The following MITF variants were observed in gnomAD, a reference collection of about 807,000 sequenced individuals.
MITF encodes the protein melanocyte inducing transcription factor, also known as microphthalmia-associated transcription factor.
MITF carries 17 observed loss-of-function variants against 60.5 expected under a neutral mutation model. The ratio of observed to expected loss-of-function variants is 0.28; its 90% confidence interval spans 0.19 to 0.42. The LOEUF (loss-of-function observed/expected upper bound fraction) is 0.42. Ranked by LOEUF, MITF falls within the 10% of genes least tolerant of loss-of-function variation. MITF has a pLI of 1.00. For synonymous variants in MITF, 260 were observed against 248.5 expected (o/e 1.05, Z -0.43); for missense variants, 622 against 683.5 (o/e 0.91, Z 1.00).
At chr3:69,959,147 C>T in intron 8 of MITF, 126 bp from the exon 9 acceptor site, 1 of 1,130,500 alleles carries the variant, frequency 8.8e-7, no homozygotes, top group Non-Finnish European at 1.3e-6. Flanking sequence ...ACCACCTGTT[C>T]CCCCAAAACT....
intron 1 of MITF, among the ~76,000 whole-genome samples, chr3:69,845,615 A>G (rs541645306): frequency 1.3e-5 from 2 of 152,272 alleles, no homozygotes; most frequent in East Asian, 3.9e-4. Flanking sequence ...CTTGAGAAAT[A>G]TGAAGACACA....
chr3:69,880,940 A>T (rs940243273), intron 2 of MITF, among the ~76,000 whole-genome samples: 5 of 152,186 alleles, frequency 3.3e-5, no homozygotes, highest in African/African-American at 9.6e-5. Context: ...TTTTTATTAA[A>T]ATCAATATTC....
chr3:69,777,962 C>T lies in MITF; in HGVS notation c.104+38261C>T, dbSNP rs746503237. On this transcript the variant is annotated intron_variant, in intron 1 of 9. Transcript: ENST00000352241. ...TCGTGTTACTGAAAGATCACTCTGG[C>T]GGTGCCACAGAGAATGTATTGTAGG... Among the ~76,000 whole-genome samples the T allele has an allele frequency of 2.6e-5, 4 of 151,930 alleles. No individual in the cohort carries two copies. In the South Asian group the frequency reaches 8.3e-4, roughly 32 times the overall value.
intron 3 of MITF, 64 bp downstream of exon 3, chr3:69,938,113 T>C (rs2065886993): frequency 6.6e-7 from 1 of 1,511,894 alleles, no homozygotes; most frequent in Non-Finnish European, 9.2e-7. Context: ...TTGAATATGA[T>C]TCCCACACTT....
intron 2 of MITF, among the ~76,000 whole-genome samples, chr3:69,931,300 C>T (rs934788215): frequency 2.0e-5 from 3 of 152,012 alleles, no homozygotes; most frequent in Non-Finnish European, 2.9e-5. Context: ...CTCTTCTATT[C>T]GGCTGAGATA....
intron 1 of MITF, among the ~76,000 whole-genome samples, chr3:69,820,752 T>C (rs1157971979): frequency 6.6e-6 from 1 of 152,206 alleles, no homozygotes; most frequent in Non-Finnish European, 1.5e-5. Context: ...TTTGCTGCGA[T>C]GCTGGCCTGC....
At chr3:69,818,112 G>A (rs1239040529) in intron 1 of MITF, among the ~76,000 whole-genome samples, 4 of 152,122 alleles carry the variant, frequency 2.6e-5, no homozygotes, top group African/African-American at 9.7e-5. Flanking sequence ...ACTTTTTCCT[G>A]GGCCAGTCTA....
chr3:69,941,386 T>G, intron 5 of MITF, 55 bp downstream of exon 5: 1 of 1,134,884 alleles, frequency 8.8e-7, no homozygotes, highest in Non-Finnish European at 1.3e-6. Context: ...AGGGTTCTTT[T>G]CTTTTTTCTT....
intron 1 of MITF, among the ~76,000 whole-genome samples, chr3:69,826,006 A>G (rs13324851): frequency 0.5 from 76,321 of 152,092 alleles, 20,862 homozygotes; most frequent in Non-Finnish European, 0.63. Flanking sequence ...ATAGATCAGT[A>G]AATGTCTTGT....
chr3:69,846,429 C>T (rs1646870460), intron 1 of MITF, among the ~76,000 whole-genome samples: 1 of 152,178 alleles, frequency 6.6e-6, no homozygotes, highest in Non-Finnish European at 1.5e-5. Context: ...CTAGTTTCTA[C>T]CCAGTGCCAA....
At chr3:69,824,150 A>T (rs2063319744) in intron 1 of MITF, among the ~76,000 whole-genome samples, 1 of 152,214 alleles carries the variant, frequency 6.6e-6, no homozygotes, top group South Asian at 2.1e-4. Context: ...ATTTGGTGTG[A>T]ACTCAGAATA....
rs778447052 is a variant in MITF, at chr3:69,882,470, T to C, written c.354+3087T>C. On this transcript the variant is annotated intron_variant, in intron 2 of 9. Coordinates refer to ENST00000352241, the MANE Select transcript of MITF (RefSeq NM_001354604.2). ...ATTGGGTATTGTAATTTAAGGATGC[T>C]CTTTTACCATAAATTAACCAACACC... 1.1e-3 allele frequency among the ~76,000 whole-genome samples: 161 copies of C among 152,118 alleles called. 1 individual carries two copies. Among genetic ancestry groups the C allele is most frequent in the Non-Finnish European group, 2.8e-4 (19 of 67,998 alleles).
chr3:69,797,785 A>G (rs947154585), intron 1 of MITF, among the ~76,000 whole-genome samples: 1 of 152,162 alleles, frequency 6.6e-6, no homozygotes, highest in Non-Finnish European at 1.5e-5. Flanking sequence ...TCTATAACCA[A>G]GGTTATCTTT....
intron 1 of MITF, among the ~76,000 whole-genome samples, chr3:69,753,624 A>G (rs978277877): frequency 6.6e-6 from 1 of 152,218 alleles, no homozygotes. Context: ...GAACTGCCCA[A>G]GGCCTTGGGA....
intron 1 of MITF, among the ~76,000 whole-genome samples, chr3:69,802,200 G>A (rs969432236): frequency 3.3e-5 from 5 of 152,076 alleles, no homozygotes; most frequent in African/African-American, 4.8e-5. Flanking sequence ...AACTGGCAGC[G>A]CAGGGTGTTA....
At chr3:69,830,267 C>G (rs954700499) in intron 1 of MITF, among the ~76,000 whole-genome samples, 5 of 152,118 alleles carry the variant, frequency 3.3e-5, no homozygotes, top group African/African-American at 1.2e-4. Flanking sequence ...CTGGCTTTCC[C>G]CTTTGTGCTT....
chr3:69,836,536 C>G (rs899198390), intron 1 of MITF, among the ~76,000 whole-genome samples: 9 of 152,112 alleles, frequency 5.9e-5, no homozygotes, highest in African/African-American at 1.9e-4. Context: ...CTTGAATGAA[C>G]AAGAGAGTGA....
intron 9 of MITF, among the ~76,000 whole-genome samples, chr3:69,961,515 G>A (rs750159871): frequency 1.3e-5 from 2 of 150,054 alleles, no homozygotes; most frequent in Non-Finnish European, 1.5e-5. Context: ...GACCAGTCTG[G>A]CCAACATGGT....
At chr3:69,956,369 T>C (rs1433906788) in intron 7 of MITF, 86 bp from the exon 8 acceptor site, 8 of 1,059,066 alleles carry the variant, frequency 7.6e-6, no homozygotes, top group Non-Finnish European at 1.2e-5. Context: ...CCTGGAGAAG[T>C]TAATATGCAC....
Sources: allele counts gnomAD v4.1 joint callset (sites outside exome capture counted in the v4.1 genomes callset), GRCh38; gene constraint gnomAD v4.1.1; transcripts MANE v1.5; gene names NCBI Gene and HGNC (gene_info 2026-07-23, HGNC 2026-07-21).